MALRD1: variants seen among roughly 807,000 people sequenced by gnomAD.
MALRD1 encodes MAM and LDL-receptor class A domain-containing protein 1.
A neutral mutation model predicts 242.1 loss-of-function variants in MALRD1; 247 were observed. The observed-to-expected ratio is 1.02, with a 90% CI of 0.92 to 1.13. MALRD1 has a LOEUF of 1.13. MALRD1 is among the 50% of genes most tolerant of loss of function. The probability of loss-of-function intolerance (pLI) is 0.00; values close to 1 mark genes in which losing one functional copy is unlikely to be tolerated. For missense variants in MALRD1, 2,989 were observed against 2,533.1 expected, an observed-to-expected ratio of 1.18 and a Z score of -3.86; for synonymous variants, 995 against 866.6, an observed-to-expected ratio of 1.15 and a Z score of -2.60.
At chr10:19,555,832 ATG>A (rs1406955300) in intron 32 of MALRD1, among the ~76,000 whole-genome samples, 1 of 152,172 alleles carries the variant, frequency 6.6e-6, no homozygotes, top group East Asian at 1.9e-4. Flanking sequence ...AAAGTAGTTG[ATG>A]TTAGCAAGGT....
chr10:19,679,245 C>G (rs184063367), intron 36 of MALRD1, among the ~76,000 whole-genome samples: 13 of 152,254 alleles, frequency 8.5e-5, no homozygotes, highest in East Asian at 7.7e-4. Context: ...ACCAGCTTCT[C>G]TTTGTACCTC....
In MALRD1 at chr10:19,383,577, G is replaced by T. The variant is rs144036531; in HGVS notation, c.4442-3951G>T. 3.2e-3 allele frequency among the ~76,000 whole-genome samples: 480 copies of T among 152,080 alleles called. 3 individuals are homozygous for T. The highest frequency in any genetic ancestry group is 0.014 in the Middle Eastern group (4 of 294). ...TTGATAACTTTTTGATAATGAATAT[G>T]AATTGAGAGTTACTAAGTACATACC... On this transcript the variant is annotated intron_variant, in intron 26 of 39. Coordinates refer to ENST00000454679, the MANE Select transcript of MALRD1 (RefSeq NM_001142308.3).
chr10:19,455,179 G>A (rs951101240), intron 29 of MALRD1, among the ~76,000 whole-genome samples: 3 of 152,106 alleles, frequency 2.0e-5, no homozygotes, highest in African/African-American at 7.2e-5. Flanking sequence ...AAAATGGTTT[G>A]TACAGAAATC....
rs1289091687 is a variant in MALRD1 at position 19,692,301 on chromosome 10, G to A, written c.6157G>A (p.Gly2053Arg). The A allele has an allele frequency of 1.3e-6, 2 of 1,534,888 alleles. No homozygotes were observed. Among genetic ancestry groups the A allele is most frequent in the South Asian group, 2.4e-5 (2 of 83,908 alleles). ...PMCRCRQGWK[G>R]NRCHIKFNPP... is the part of the protein sequence containing the mutation. ...TTCCAGATGTAGACAAGGCTGGAAA[G>A]GAAATCGATGCCATATCAAGTTTAA... is the stretch of plus-strand genomic sequence containing the variant. Residue 2053 changes from glycine to arginine, a missense_variant, in exon 37 of 40, where the codon GGA becomes AGA. Physicochemically the swap from Gly to Arg is moderately radical, Grantham distance 125. Transcript: ENST00000454679.
chr10:19,403,121 A>T (rs1311980551), intron 28 of MALRD1, among the ~76,000 whole-genome samples: 1 of 152,170 alleles, frequency 6.6e-6, no homozygotes. Context: ...TTGGAAGCTG[A>T]TGATGGAATT....
intron 31 of MALRD1, among the ~76,000 whole-genome samples, chr10:19,503,800 T>C (rs1336274631): frequency 2.0e-5 from 3 of 152,254 alleles, no homozygotes; most frequent in Non-Finnish European, 4.4e-5. Flanking sequence ...TACTTGGAAC[T>C]ATCCCCTACT....
chr10:19,588,762 C>A (rs566539679), intron 33 of MALRD1, among the ~76,000 whole-genome samples: 1 of 152,310 alleles, frequency 6.6e-6, no homozygotes, highest in South Asian at 2.1e-4. Context: ...GTCACCTCAG[C>A]CTTCCAAGTA....
At chr10:19,545,793 C>A (rs1195555641) in intron 32 of MALRD1, among the ~76,000 whole-genome samples, 1 of 152,166 alleles carries the variant, frequency 6.6e-6, no homozygotes, top group Non-Finnish European at 1.5e-5. Context: ...CACGTAAATT[C>A]ACGACGTTTT....
intron 2 of MALRD1, among the ~76,000 whole-genome samples, chr10:19,069,592 A>G (rs1327597898): frequency 6.6e-6 from 1 of 151,882 alleles, no homozygotes; most frequent in Non-Finnish European, 1.5e-5. Context: ...GTGATAAATT[A>G]TGTTAGTTTT....
chr10:19,601,036 T>G (rs1302369861), intron 34 of MALRD1, among the ~76,000 whole-genome samples: 1 of 151,914 alleles, frequency 6.6e-6, no homozygotes, highest in Non-Finnish European at 1.5e-5. Flanking sequence ...CTCCACCATG[T>G]CTGGCTAATT....
At chr10:19,713,781 G>T (rs1253030044) in intron 38 of MALRD1, among the ~76,000 whole-genome samples, 2 of 152,230 alleles carry the variant, frequency 1.3e-5, no homozygotes, top group African/African-American at 4.8e-5. Context: ...GCACAGTGAC[G>T]TGCAGAGAAG....
chr10:19,539,900 GCGCGCGCGTGCGCGCACACA>G (rs1404804023), intron 32 of MALRD1, among the ~76,000 whole-genome samples: 166 of 51,004 alleles, frequency 3.3e-3, no homozygotes, highest in Middle Eastern at 7.0e-3. Context: ...GTGTGTGTGC[GCGCGCGCGTGCGCGCACACA>G]CGCGCAGTGA....
chr10:19,616,418 C>G (rs1301971703), intron 36 of MALRD1, among the ~76,000 whole-genome samples: 1 of 151,882 alleles, frequency 6.6e-6, no homozygotes, highest in Non-Finnish European at 1.5e-5. Context: ...ATACTCAAAG[C>G]AAGAGTAAAC....
At chr10:19,126,711 AT>A (rs917821898) in intron 7 of MALRD1, among the ~76,000 whole-genome samples, 15 of 149,996 alleles carry the variant, frequency 1.0e-4, no homozygotes, top group South Asian at 4.2e-4. Flanking sequence ...ATTATTTTTT[AT>A]TTTTTTTTAT....
intron 14 of MALRD1, among the ~76,000 whole-genome samples, chr10:19,176,452 G>A (rs2131545200): frequency 7.4e-6 from 1 of 135,764 alleles, no homozygotes; most frequent in Admixed American, 8.4e-5. Context: ...TCGGCTCACT[G>A]CAAGCTCCGC....
intron 36 of MALRD1, among the ~76,000 whole-genome samples, chr10:19,661,227 C>T (rs1183827115): frequency 3.3e-5 from 5 of 152,248 alleles, no homozygotes; most frequent in Admixed American, 2.6e-4. Flanking sequence ...GTCAGTGTGG[C>T]GATTCCTCAG....
intron 19 of MALRD1, among the ~76,000 whole-genome samples, chr10:19,277,428 A>G (rs1840586262): frequency 1.3e-5 from 2 of 152,120 alleles, no homozygotes; most frequent in Admixed American, 6.5e-5. Context: ...GTCTCTCTTC[A>G]TCCTCTTATT....
intron 36 of MALRD1, among the ~76,000 whole-genome samples, chr10:19,669,427 G>A (rs1258566207): frequency 3.9e-5 from 6 of 152,160 alleles, no homozygotes; most frequent in Non-Finnish European, 8.8e-5. Flanking sequence ...GCTGATGTTC[G>A]AGAGAAAGCC....
intron 1 of MALRD1, among the ~76,000 whole-genome samples, chr10:19,063,986 C>A (rs1834898445): frequency 6.6e-6 from 1 of 151,720 alleles, no homozygotes; most frequent in Admixed American, 6.6e-5. Context: ...AAATATTTTT[C>A]TTTCCATTAT....
Sources: gnomAD v4.1 joint callset for allele counts (sites outside exome capture counted in the v4.1 genomes callset) on GRCh38, gnomAD v4.1.1 for gene constraint, MANE v1.5 for transcripts, NCBI Gene and HGNC (gene_info 2026-07-23, HGNC 2026-07-21) for gene names.